The following CRY2 variants were observed in gnomAD, a reference collection of about 807,000 sequenced individuals.
CRY2 encodes cryptochrome circadian regulator 2, also known as cryptochrome-2.
CRY2 carries 31 observed loss-of-function variants against 69.5 expected under a neutral mutation model. The ratio of observed to expected loss-of-function variants is 0.45; its 90% CI spans 0.34 to 0.60. The LOEUF (loss-of-function observed/expected upper bound fraction) is 0.60, where lower values mean the gene tolerates loss of function less well. Among genes scored for constraint, CRY2 ranks in the 20% least tolerant of loss-of-function variants. CRY2 has a pLI of 0.02. For missense variants in CRY2, 606 were observed against 797.8 expected, an observed-to-expected ratio of 0.76 and a Z score of 2.90; for synonymous variants, 303 against 312.2, an observed-to-expected ratio of 0.97 and a Z score of 0.31.
chr11:45,870,532 T>G lies in CRY2; in HGVS notation c.1549T>G (p.Cys517Gly). ...GCAGCTTTCGCGCTACCGGGGACTC[T>G]GTAAGGAGACAAACACCTAGCTCAC... ...YQQLSRYRGL[C>G]LLASVPSCVE... Residue 517 changes from cysteine to glycine, a missense_variant and splice_region_variant, in exon 9 of 12, where the codon TGT becomes GGT. Physicochemically the swap from Cys to Gly is radical, Grantham distance 159 (BLOSUM62 -3). Around this residue, in one of 5 missense-constraint regions of CRY2, gnomAD observed 173 missense variants for 213.7 expected, o/e 0.81. Coordinates refer to ENST00000616080, the MANE Select transcript of CRY2 (RefSeq NM_021117.5). 3 of 1,613,840 alleles carry G rather than the reference T, an allele frequency of 1.9e-6. No individual in the cohort carries two copies. Among genetic ancestry groups the G allele is most frequent in the Non-Finnish European group, 2.5e-6 (3 of 1,179,920 alleles).
intron 11 of CRY2, among the ~76,000 whole-genome samples, chr11:45,880,515 C>T (rs904512800): frequency 6.6e-6 from 1 of 152,190 alleles, no homozygotes; most frequent in African/African-American, 2.4e-5. Flanking sequence ...GCGGGCTTCT[C>T]TTCCAGCCAT....
At chr11:45,864,848 A>G (rs1471660866) in intron 5 of CRY2, among the ~76,000 whole-genome samples, 1 of 152,152 alleles carries the variant, frequency 6.6e-6, no homozygotes, top group African/African-American at 2.4e-5. Context: ...AGCCTGGTTG[A>G]CAGAATGAGA....
chr11:45,869,107 C>T (rs2086353888), intron 6 of CRY2, among the ~76,000 whole-genome samples: 1 of 152,208 alleles, frequency 6.6e-6, no homozygotes, highest in Non-Finnish European at 1.5e-5. Flanking sequence ...ATAATTTATT[C>T]AACCAAAATC....
At chr11:45,854,263 A>G (rs1000784066) in intron 1 of CRY2, among the ~76,000 whole-genome samples, 2 of 152,254 alleles carry the variant, frequency 1.3e-5, no homozygotes, top group Non-Finnish European at 2.9e-5. Flanking sequence ...TTCTTGAAGA[A>G]GAAGATAAGA....
chr11:45,873,179 G>A (rs574277361), intron 11 of CRY2, among the ~76,000 whole-genome samples: 7 of 152,196 alleles, frequency 4.6e-5, no homozygotes. Context: ...TCCCCTCTGA[G>A]TCATCATCTC....
chr11:45,870,734 C>A, intron 9 of CRY2, 108 bp from the exon 10 acceptor site: 1 of 1,116,478 alleles, frequency 9.0e-7, no homozygotes, highest in Non-Finnish European at 1.3e-6. Context: ...GAAATGGAAC[C>A]TCAGTGTCTT....
At chr11:45,852,076 C>T (rs2086202643) in intron 1 of CRY2, among the ~76,000 whole-genome samples, 1 of 152,208 alleles carries the variant, frequency 6.6e-6, no homozygotes, top group South Asian at 2.1e-4. Context: ...AGTGTCCTCT[C>T]TATATTTTTG....
chr11:45,848,252 C>T (rs555079655), intron 1 of CRY2, among the ~76,000 whole-genome samples: 3 of 152,286 alleles, frequency 2.0e-5, no homozygotes, highest in Admixed American at 6.5e-5. Context: ...TGTCAAGTGA[C>T]CCTGGCTTAG....
intron 1 of CRY2, among the ~76,000 whole-genome samples, chr11:45,855,141 C>G (rs1420495529): frequency 6.6e-6 from 1 of 152,146 alleles, no homozygotes. Flanking sequence ...AAGTTCTTGC[C>G]TAGCTGCGGT....
Position 45,881,651 on chromosome 11 carries a change from C to G in CRY2, c.*740C>G, listed in dbSNP as rs563925465. ...TAGGAGCCTAAGACAGCACACCTAC[C>G]TTTTCAGGATTTAGAACCTAAAATT... On this transcript the variant is annotated 3_prime_UTR_variant, in exon 12 of 12. Transcript: ENST00000616080. 1 of 152,214 alleles carries G rather than the reference C, an allele frequency of 6.6e-6. No homozygotes were observed. Among genetic ancestry groups the G allele is most frequent in the Non-Finnish European group, 1.5e-5 (1 of 68,052 alleles). 9.4% of individuals were successfully genotyped at this position (152,214 alleles called of 1,614,324 possible).
chr11:45,858,976 C>A, intron 3 of CRY2, 103 bp downstream of exon 3: 2 of 1,396,156 alleles, frequency 1.4e-6, no homozygotes, highest in Non-Finnish European at 1.9e-6. Flanking sequence ...GGCTACCTGA[C>A]CCAGGAGGCA....
At chr11:45,871,066 G>A (rs2086377857) in intron 10 of CRY2, 132 bp downstream of exon 10, 1 of 689,368 alleles carries the variant, frequency 1.5e-6, no homozygotes, top group Admixed American at 2.7e-5. Context: ...AGATAGTAAA[G>A]AAACCAAGTT....
rs902174323 is a variant in CRY2 at position 45,881,934 on chromosome 11, A to G, written c.*1023A>G. The G allele has an allele frequency of 6.6e-6, 1 of 152,238 alleles. No homozygotes were observed. Among genetic ancestry groups the G allele is most frequent in the Non-Finnish European group, 1.5e-5 (1 of 68,060 alleles). The allele number at this position is 152,238 out of a possible 1,614,324, so 9.4% of individuals were successfully genotyped here. ...TGTTGGCTTCCAGGGCCTGTCCTGGACTTGTCAGCATCCAGACTGCCATGT... is the reference window on the plus strand; with the variant it reads ...TGTTGGCTTCCAGGGCCTGTCCTGGGCTTGTCAGCATCCAGACTGCCATGT... On this transcript the variant is annotated 3_prime_UTR_variant, in exon 12 of 12. Transcript: ENST00000616080.
rs2086340262 is a variant in CRY2 at position 45,867,494 on chromosome 11, T to C, written c.742-118T>C. 13 of 1,345,344 alleles carry C rather than the reference T, an allele frequency of 9.7e-6. 1 individual carries two copies. The highest frequency in any genetic ancestry group is 1.9e-4 in the Middle Eastern group (1 of 5,322). The allele number at this position is 1,345,344 out of a possible 1,614,324, so 83.3% of individuals were successfully genotyped here. On this transcript the variant is annotated intron_variant, in intron 5 of 11. Coordinates refer to ENST00000616080, the MANE Select transcript of CRY2 (RefSeq NM_021117.5). ...TCGGCTGGACAAGCACAGTGTTCCA[T>C]GGCTCCATGGCTGGCTGTTCTGTGA...
At chr11:45,866,643 T>C (rs1399575844) in intron 5 of CRY2, among the ~76,000 whole-genome samples, 1 of 152,158 alleles carries the variant, frequency 6.6e-6, no homozygotes, top group Non-Finnish European at 1.5e-5. Context: ...CTGGCCAACA[T>C]GGCGAAACCC....
chr11:45,855,342 C>T (rs776865539), intron 1 of CRY2, among the ~76,000 whole-genome samples: 3 of 152,196 alleles, frequency 2.0e-5, no homozygotes, highest in Non-Finnish European at 2.9e-5. Context: ...AGCAGAAATA[C>T]GCATGGCCCA....
At chr11:45,870,668 G>A (rs1478000446) in intron 9 of CRY2, 136 bp downstream of exon 9, 5 of 1,192,178 alleles carry the variant, frequency 4.2e-6, no homozygotes, top group Non-Finnish European at 4.8e-6. Flanking sequence ...CTGGGTATGG[G>A]ACACTGCAGG....
intron 4 of CRY2, chr11:45,861,362 G>A (rs1237176614): frequency 1.3e-5 from 3 of 229,778 alleles, no homozygotes; most frequent in South Asian, 9.8e-5. Context: ...AAGATAGCTA[G>A]TATTGCTTCT....
chr11:45,860,809 G>C, intron 3 of CRY2, 39 bp from the exon 4 acceptor site: 2 of 1,603,778 alleles, frequency 1.2e-6, no homozygotes, highest in Non-Finnish European at 1.7e-6. Flanking sequence ...ACATCACAGG[G>C]CCATGTGGGT....
Sources: gnomAD v4.1 joint callset for allele counts (sites outside exome capture counted in the v4.1 genomes callset) on GRCh38, gnomAD v4.1.1 for gene constraint, gnomAD v4.1.1 regional missense constraint, MANE v1.5 for transcripts, NCBI Gene and HGNC (gene_info 2026-07-23, HGNC 2026-07-21) for gene names.